The following NYAP2 variants were observed in gnomAD, a reference collection of about 807,000 sequenced individuals.
The protein encoded by NYAP2 is neuronal tyrosine-phosphorylated phosphoinositide-3-kinase adaptor 2, also known as neuronal tyrosine-phosphorylated phosphoinositide-3-kinase adapter 2.
A neutral mutation model predicts 50.4 loss-of-function variants in NYAP2; 23 were observed. The observed-to-expected ratio is 0.46, with a 90% CI of 0.33 to 0.65. The LOEUF is 0.65. Among genes scored for constraint, NYAP2 ranks in the 30% least tolerant of loss-of-function variants. NYAP2 has a pLI of 0.02. For missense variants in NYAP2, 885 were observed against 861.0 expected, an observed-to-expected ratio of 1.03 and a Z score of -0.35; for synonymous variants, 394 against 365.2, an observed-to-expected ratio of 1.08 and a Z score of -0.90.
intron 4 of NYAP2, among the ~76,000 whole-genome samples, chr2:225,555,181 T>G (rs187233340): frequency 6.9e-4 from 105 of 152,322 alleles, no homozygotes; most frequent in Admixed American, 2.5e-3. Context: ...TGTGTTTTGA[T>G]CAACCATTTG....
intron 4 of NYAP2, among the ~76,000 whole-genome samples, chr2:225,531,318 T>G (rs1288600059): frequency 2.6e-5 from 4 of 152,196 alleles, no homozygotes; most frequent in Non-Finnish European, 2.9e-5. Context: ...CAAGTTATTC[T>G]CTGCAACAAA....
At chr2:225,562,813 T>A (rs2106216777) in intron 4 of NYAP2, among the ~76,000 whole-genome samples, 1 of 152,256 alleles carries the variant, frequency 6.6e-6, no homozygotes, top group African/African-American at 2.4e-5. Context: ...CACTACTTTA[T>A]AATTGTTTTG....
intron 3 of NYAP2, among the ~76,000 whole-genome samples, chr2:225,424,277 T>A (rs1323522067): frequency 1.3e-5 from 2 of 152,130 alleles, no homozygotes; most frequent in Non-Finnish European, 2.9e-5. Context: ...TATAAGTAAG[T>A]CAAATTAATC....
At chr2:225,457,235 A>T (rs928788894) in intron 3 of NYAP2, among the ~76,000 whole-genome samples, 1 of 152,212 alleles carries the variant, frequency 6.6e-6, no homozygotes, top group Non-Finnish European at 1.5e-5. Flanking sequence ...CAGTTCTGAA[A>T]CTAGTGCAGA....
At chr2:225,462,015 T>C (rs1689842136) in intron 3 of NYAP2, among the ~76,000 whole-genome samples, 1 of 152,184 alleles carries the variant, frequency 6.6e-6, no homozygotes, top group South Asian at 2.1e-4. Context: ...TCAAAAGGAC[T>C]CAATCCTAAT....
intron 5 of NYAP2, among the ~76,000 whole-genome samples, chr2:225,603,331 A>G (rs1392271283): frequency 1.3e-5 from 2 of 152,204 alleles, no homozygotes; most frequent in African/African-American, 2.4e-5. Context: ...TAAAATCAAG[A>G]ATTCAAATTA....
chr2:225,651,014 G>A (rs1225380720), intron 6 of NYAP2, among the ~76,000 whole-genome samples: 1 of 152,220 alleles, frequency 6.6e-6, no homozygotes, highest in Non-Finnish European at 1.5e-5. Flanking sequence ...ATTCATGGAA[G>A]GAAGGAAAAC....
chr2:225,580,714 T>C (rs1300958881), intron 4 of NYAP2, among the ~76,000 whole-genome samples: 3 of 152,180 alleles, frequency 2.0e-5, no homozygotes, highest in African/African-American at 7.2e-5. Flanking sequence ...TTAAGCACTT[T>C]CAGCTCCTTT....
intron 5 of NYAP2, among the ~76,000 whole-genome samples, chr2:225,616,606 T>C (rs1264068038): frequency 6.6e-6 from 1 of 152,186 alleles, no homozygotes; most frequent in Admixed American, 6.5e-5. Flanking sequence ...CCAATGGTGG[T>C]ACTGGAAAGA....
At chr2:225,622,114 C>T (rs1693114354) in intron 5 of NYAP2, among the ~76,000 whole-genome samples, 1 of 152,178 alleles carries the variant, frequency 6.6e-6, no homozygotes. Flanking sequence ...TCACTGCAGC[C>T]TCGACCTCCC....
chr2:225,683,543 A>AAATAACAGCCTTC, the NYAP2 span, among the ~76,000 whole-genome samples: 676 of 152,318 alleles, frequency 4.4e-3, 9 homozygotes, highest in African/African-American at 0.015. Flanking sequence ...AGTTAACAGC[A>AAATAACAGCCTTC]AATTTTGGAA....
intron 4 of NYAP2, among the ~76,000 whole-genome samples, chr2:225,521,931 G>A (rs970925184): frequency 6.6e-6 from 1 of 151,978 alleles, no homozygotes; most frequent in African/African-American, 2.4e-5. Context: ...GTAAGCTATT[G>A]ATTATTGCCA....
the NYAP2 span, among the ~76,000 whole-genome samples, chr2:225,668,956 CTTTTTTTTTTTTTTTT>C: frequency 4.3e-5 from 3 of 69,524 alleles, no homozygotes; most frequent in African/African-American, 1.2e-4. Context: ...GTGTCCCCTG[CTTTTTTTTTTTTTTTT>C]TTTTTTTTTT....
At chr2:225,528,263 G>T (rs1239866705) in intron 4 of NYAP2, among the ~76,000 whole-genome samples, 2 of 152,160 alleles carry the variant, frequency 1.3e-5, no homozygotes, top group Non-Finnish European at 2.9e-5. Context: ...AATGAAAACT[G>T]CAAAAGGTAA....
In NYAP2 at chr2:225,582,902, C is replaced by CG; in HGVS notation, c.1489dup (p.Ala497GlyfsTer116). 6.2e-7 allele frequency: 1 copy of CG among 1,613,370 alleles called. No individual in the cohort carries two copies. Among genetic ancestry groups the CG allele is most frequent in the Non-Finnish European group, 8.5e-7 (1 of 1,179,876 alleles). ...TGGTCAACGCCGCGGTGAACACCTA[C>CG]GGGGCAGCCCCGGGTGGCTCCCGGT... On this transcript the variant is annotated frameshift_variant, in exon 5 of 7. Transcript: ENST00000636099. LOFTEE classifies it high-confidence loss of function. This position sits in a 1 kb window ranked among gnomAD's most constrained non-coding sequence, Gnocchi z 7.0.
At chr2:225,441,363 C>A (rs747372562) in intron 3 of NYAP2, among the ~76,000 whole-genome samples, 1 of 152,166 alleles carries the variant, frequency 6.6e-6, no homozygotes, top group Admixed American at 6.5e-5. Flanking sequence ...TTGGTCATTT[C>A]ATGTAAAGGC....
At chr2:225,577,245 C>G (rs759240699) in intron 4 of NYAP2, among the ~76,000 whole-genome samples, 6 of 152,158 alleles carry the variant, frequency 3.9e-5, no homozygotes, top group Non-Finnish European at 8.8e-5. Flanking sequence ...TGGAGCTGAA[C>G]AGGAATTATT....
chr2:225,523,586 T>A lies in NYAP2; in HGVS notation c.523+9914T>A, dbSNP rs150641004. 3.7e-3 allele frequency among the ~76,000 whole-genome samples: 568 copies of A among 152,096 alleles called. 2 individuals are homozygous for A. The highest frequency in any genetic ancestry group is 0.013 in the African/African-American group (553 of 41,514). ...CATAGATGACACAAATGGAAAAACA[T>A]CCATGTTTATGGACTAGAAGAATCA... On this transcript the variant is annotated intron_variant, in intron 4 of 6. Transcript: ENST00000636099.
the NYAP2 span, among the ~76,000 whole-genome samples, chr2:225,681,838 C>A: frequency 6.6e-6 from 1 of 152,068 alleles, no homozygotes; most frequent in Non-Finnish European, 1.5e-5. Context: ...ATTCACAGAG[C>A]CTCAGTTCTT....
Sources: gnomAD v4.1 joint callset for allele counts (sites outside exome capture counted in the v4.1 genomes callset) on GRCh38, gnomAD v4.1.1 for gene constraint, Gnocchi (gnomAD v3.1) non-coding constraint, MANE v1.5 for transcripts, NCBI Gene and HGNC (gene_info 2026-07-23, HGNC 2026-07-21) for gene names.